The following IGFL2 variants were observed in gnomAD, a reference collection of about 807,000 sequenced individuals.
The protein encoded by IGFL2 is insulin growth factor-like family member 2.
A neutral mutation model predicts 13.9 loss-of-function variants in IGFL2; 7 were observed. The observed-to-expected ratio is 0.51, with a 90% confidence interval of 0.29 to 0.95. The LOEUF (loss-of-function observed/expected upper bound fraction) is 0.95, where lower values mean the gene tolerates loss of function less well. IGFL2 is among the 40% of genes least tolerant of loss of function. The pLI, the probability that IGFL2 is intolerant of heterozygous loss-of-function variation, is 0.08. For synonymous variants in IGFL2, 55 were observed against 55.8 expected (o/e 0.99, Z 0.07); for missense variants, 138 against 147.8 (o/e 0.93, Z 0.34).
At chr19:46,082,608 T>G in the IGFL2 span, among the ~76,000 whole-genome samples, 1 of 151,098 alleles carries the variant, frequency 6.6e-6, no homozygotes, top group Non-Finnish European at 1.5e-5. Flanking sequence ...TCTGGCTCCC[T>G]GAACTGTTAA....
At chr19:46,190,123 A>G in the IGFL2 span, 3 of 152,228 alleles carry the variant, frequency 2.0e-5, no homozygotes, top group Non-Finnish European at 2.9e-5. Flanking sequence ...ATTCAGTGTC[A>G]TGGAACAACC....
chr19:46,184,827 G>A, the IGFL2 span, among the ~76,000 whole-genome samples: 4 of 152,282 alleles, frequency 2.6e-5, no homozygotes, highest in East Asian at 5.8e-4. Flanking sequence ...TTGAGGAATC[G>A]CCACATTGTC....
chr19:46,178,170 A>G, the IGFL2 span, among the ~76,000 whole-genome samples: 7 of 152,144 alleles, frequency 4.6e-5, no homozygotes, highest in Non-Finnish European at 8.8e-5. Flanking sequence ...CCAGCTACTC[A>G]GGAGGCTGAG....
At chr19:46,184,833 T>C in the IGFL2 span, among the ~76,000 whole-genome samples, 73 of 152,334 alleles carry the variant, frequency 4.8e-4, no homozygotes, top group Admixed American at 2.5e-3. Context: ...AATCGCCACA[T>C]TGTCTTCCAC....
At chr19:46,167,599 T>C in the IGFL2 span, among the ~76,000 whole-genome samples, 4 of 152,324 alleles carry the variant, frequency 2.6e-5, no homozygotes, top group East Asian at 5.8e-4. Flanking sequence ...GCTCACACTT[T>C]ACTGGACAAA....
chr19:46,152,390 C>G (rs777924912), intron 1 of IGFL2, among the ~76,000 whole-genome samples: 46 of 152,102 alleles, frequency 3.0e-4, no homozygotes, highest in South Asian at 1.7e-3. Context: ...AATCCTCCTG[C>G]CTCAGCTTCC....
At chr19:46,113,608 A>T in the IGFL2 span, 1 of 286,160 alleles carries the variant, frequency 3.5e-6, no homozygotes, top group Non-Finnish European at 7.3e-6. Context: ...TTTTGGCTCC[A>T]CTGATGTCTA....
the IGFL2 span, chr19:46,123,999 A>C: frequency 6.2e-7 from 1 of 1,611,604 alleles, no homozygotes. Context: ...AGCAGAGCTC[A>C]AAGCAGGGCC....
At chr19:46,120,827 GA>G in the IGFL2 span, among the ~76,000 whole-genome samples, 7 of 150,822 alleles carry the variant, frequency 4.6e-5, no homozygotes, top group South Asian at 1.3e-3. Flanking sequence ...TCTTACCACA[GA>G]AAAATGAGAA....
chr19:46,105,839 G>A, the IGFL2 span, among the ~76,000 whole-genome samples: 8 of 152,278 alleles, frequency 5.3e-5, no homozygotes, highest in African/African-American at 1.9e-4. Context: ...GCTACAGGGT[G>A]CAGTCCCAGC....
chr19:46,115,544 A>G, the IGFL2 span, among the ~76,000 whole-genome samples: 8 of 152,102 alleles, frequency 5.3e-5, no homozygotes, highest in African/African-American at 1.4e-4. Context: ...AGAGGTAGCT[A>G]TGCAGACCCA....
At chr19:46,193,619 A>G in the IGFL2 span, among the ~76,000 whole-genome samples, 2 of 152,062 alleles carry the variant, frequency 1.3e-5, no homozygotes, top group South Asian at 4.1e-4. Flanking sequence ...GATCTATGGT[A>G]AGAATGAATC....
the IGFL2 span, among the ~76,000 whole-genome samples, chr19:46,184,427 A>C: frequency 6.8e-6 from 1 of 147,598 alleles, no homozygotes; most frequent in African/African-American, 2.6e-5. Context: ...CCAGTCCCCC[A>C]CCCCCGACAG....
chr19:46,149,847 C>T (rs1973377466), intron 1 of IGFL2, among the ~76,000 whole-genome samples: 1 of 152,142 alleles, frequency 6.6e-6, no homozygotes, highest in African/African-American at 2.4e-5. Flanking sequence ...CATATGTATA[C>T]ATGTATTTGC....
the IGFL2 span, among the ~76,000 whole-genome samples, chr19:46,177,711 G>A: frequency 2.0e-5 from 3 of 152,054 alleles, no homozygotes; most frequent in Non-Finnish European, 4.4e-5. Context: ...GACACAGGAG[G>A]GTGAGGATGG....
chr19:46,083,777 G>T, the IGFL2 span, among the ~76,000 whole-genome samples: 1 of 152,094 alleles, frequency 6.6e-6, no homozygotes, highest in African/African-American at 2.4e-5. Flanking sequence ...GTTGGAAGAG[G>T]TAGTGATTAG....
the IGFL2 span, among the ~76,000 whole-genome samples, chr19:46,174,393 A>G: frequency 6.6e-6 from 1 of 152,196 alleles, no homozygotes; most frequent in Admixed American, 6.5e-5. Flanking sequence ...CGAGATTACA[A>G]TTATGTAAGA....
chr19:46,177,461 A>AAT, the IGFL2 span, among the ~76,000 whole-genome samples: 15 of 152,058 alleles, frequency 9.9e-5, no homozygotes, highest in African/African-American at 2.2e-4. Flanking sequence ...CAGGCAATGT[A>AAT]ATATATATAT....
At chr19:46,198,915 C>T in the IGFL2 span, among the ~76,000 whole-genome samples, 109 of 152,322 alleles carry the variant, frequency 7.2e-4, 1 homozygote, top group African/African-American at 2.3e-3. Flanking sequence ...GTGGAAGAGT[C>T]ATTCTATTTA....
Sources: allele counts gnomAD v4.1 joint callset (sites outside exome capture counted in the v4.1 genomes callset), GRCh38; gene constraint gnomAD v4.1.1; transcripts MANE v1.5; gene names NCBI Gene and HGNC (gene_info 2026-07-23, HGNC 2026-07-21).